Variants in NRP2 observed in about 807,000 individuals in gnomAD.
NRP2 encodes the protein neuropilin-2.
Under a neutral mutation model 110.4 loss-of-function variants are expected in NRP2, and 52 were observed. The observed-to-expected ratio is 0.47, with a 90% CI of 0.38 to 0.59. The LOEUF is 0.59. Among genes scored for constraint, NRP2 ranks in the 20% least tolerant of loss-of-function variants. The pLI is 0.00. For missense variants in NRP2, 1,049 were observed against 1,203.0 expected, an observed-to-expected ratio of 0.87 and a Z score of 1.89; for synonymous variants, 508 against 468.9, an observed-to-expected ratio of 1.08 and a Z score of -1.08.
chr2:205,708,492 T>G (rs2056732349), intron 2 of NRP2, among the ~76,000 whole-genome samples: 1 of 152,194 alleles, frequency 6.6e-6, no homozygotes, highest in African/African-American at 2.4e-5. Flanking sequence ...AAGTTCACCT[T>G]CAGAGAGACT....
intron 16 of NRP2, among the ~76,000 whole-genome samples, chr2:205,792,591 A>C (rs1167950921): frequency 2.0e-5 from 3 of 152,252 alleles, no homozygotes; most frequent in Non-Finnish European, 4.4e-5. Flanking sequence ...CAGCTCCTCC[A>C]TACGTGTCAT....
chr2:205,770,617 C>T (rs111879059), intron 15 of NRP2, among the ~76,000 whole-genome samples: 35 of 152,322 alleles, frequency 2.3e-4, no homozygotes, highest in Admixed American at 5.2e-4. Context: ...CTTCCTCCCA[C>T]GCCTCCTTCT....
At position 205,722,677 on chromosome 2, in the gene NRP2, T is replaced by C. The variant is rs773537951; in HGVS notation, c.633T>C (p.Asp211=). 2.5e-6 allele frequency: 4 copies of C among 1,614,040 alleles called. No individual in the cohort carries two copies. In the South Asian group the frequency reaches 3.3e-5, roughly 13 times the overall value. ...TGGGAGAGGGGGACTGCAAGTACGATTGGCTGGACATCTGGGATGGCATTC... is the reference window on the plus strand; with the variant it reads ...TGGGAGAGGGGGACTGCAAGTACGACTGGCTGGACATCTGGGATGGCATTC... ...LQVGEGDCKY[D]WLDIWDGIPH... The change falls in exon 4 of 17, where the codon GAT becomes GAC. Residue 211 remains aspartate (D), a synonymous_variant. Transcript: ENST00000357785.
chr2:205,746,891 G>A (rs773522049), intron 10 of NRP2, among the ~76,000 whole-genome samples: 1 of 152,190 alleles, frequency 6.6e-6, no homozygotes, highest in Admixed American at 6.5e-5. Context: ...CACGGGCTGG[G>A]AATTGGGCCC....
chr2:205,782,264 A>C (rs1435850832), intron 15 of NRP2, among the ~76,000 whole-genome samples: 1 of 152,090 alleles, frequency 6.6e-6, no homozygotes, highest in African/African-American at 2.4e-5. Context: ...TGGGCATTGG[A>C]CCAAGAAATA....
At chr2:205,752,555 A>G (rs139496788) in intron 11 of NRP2, 14 of 454,126 alleles carry the variant, frequency 3.1e-5, no homozygotes, top group African/African-American at 2.4e-4. Flanking sequence ...AGGTGGACAG[A>G]AGAGGCTGAT....
chr2:205,750,275 C>T (rs1446955067), intron 11 of NRP2, among the ~76,000 whole-genome samples: 4 of 152,164 alleles, frequency 2.6e-5, no homozygotes, highest in Admixed American at 2.0e-4. Context: ...GGTGATGGAG[C>T]GCGATAGTTG....
At chr2:205,739,391 C>G (rs2105862416) in intron 7 of NRP2, among the ~76,000 whole-genome samples, 1 of 152,286 alleles carries the variant, frequency 6.6e-6, no homozygotes, top group East Asian at 1.9e-4. Context: ...TTTGTTGCAT[C>G]TGGCTGAAAA....
chr2:205,792,719 C>G (rs2058315389), intron 16 of NRP2, among the ~76,000 whole-genome samples: 1 of 152,168 alleles, frequency 6.6e-6, no homozygotes, highest in Admixed American at 6.5e-5. Flanking sequence ...CTTCCTCACA[C>G]TATTCAAGAT....
In NRP2 at chr2:205,722,653, G is replaced by A. The variant is rs754854957; in HGVS notation, c.609G>A (p.Val203=). Residue 203 remains valine (V), a synonymous_variant, in exon 4 of 17, where the codon GTG becomes GTA. Coordinates refer to ENST00000357785, the MANE Select transcript of NRP2 (RefSeq NM_003872.3). ...IFDLEHDPLQ[V]GEGDCKYDWL... ...ACCTGGAGCATGACCCTTTGCAGGTGGGAGAGGGGGACTGCAAGTACGATT... is the reference window on the plus strand; with the variant it reads ...ACCTGGAGCATGACCCTTTGCAGGTAGGAGAGGGGGACTGCAAGTACGATT... The A allele has an allele frequency of 6.2e-7, 1 of 1,614,212 alleles. No individual in the cohort carries two copies. The highest frequency in any genetic ancestry group is 1.1e-5 in the South Asian group (1 of 91,084).
At chr2:205,718,010 C>T (rs981022268) in intron 3 of NRP2, among the ~76,000 whole-genome samples, 3 of 152,152 alleles carry the variant, frequency 2.0e-5, no homozygotes, top group Admixed American at 2.0e-4. Context: ...AATGGGGGAG[C>T]AGTCAAGTGG....
intron 7 of NRP2, among the ~76,000 whole-genome samples, chr2:205,738,090 G>A (rs1352121200): frequency 6.6e-6 from 1 of 152,216 alleles, no homozygotes; most frequent in Non-Finnish European, 1.5e-5. Flanking sequence ...GATAAAATTG[G>A]ATATTAACAA....
At chr2:205,766,824 A>G (rs1206394180) in intron 15 of NRP2, 21 bp downstream of exon 15, 1 of 1,610,370 alleles carries the variant, frequency 6.2e-7, no homozygotes, top group Non-Finnish European at 8.5e-7. Flanking sequence ...TAAAGGTAAA[A>G]AAAAATTTTT....
intron 16 of NRP2, among the ~76,000 whole-genome samples, chr2:205,793,424 G>A (rs1037985548): frequency 2.6e-5 from 4 of 152,190 alleles, no homozygotes; most frequent in Non-Finnish European, 5.9e-5. Context: ...ATGCCCAGAT[G>A]TGGGCATGCC....
chr2:205,710,109 CA>C, intron 2 of NRP2, among the ~76,000 whole-genome samples: 1 of 152,264 alleles, frequency 6.6e-6, no homozygotes, highest in Non-Finnish European at 1.5e-5. Context: ...ATCTTACACC[CA>C]TTTTGTGGAA....
At chr2:205,765,365 C>CAT in intron 13 of NRP2, 109 bp from the exon 14 acceptor site, 4 of 867,370 alleles carry the variant, frequency 4.6e-6, no homozygotes, top group East Asian at 2.4e-5. Flanking sequence ...CACACACACA[C>CAT]ACATACACAC....
At chr2:205,752,746 C>A in intron 11 of NRP2, 89 bp from the exon 12 acceptor site, 3 of 1,400,244 alleles carry the variant, frequency 2.1e-6, no homozygotes, top group Non-Finnish European at 3.0e-6. Flanking sequence ...TCCACTCAGG[C>A]CTTGCCAGCC....
chr2:205,688,818 G>T (rs1468042804), intron 1 of NRP2, among the ~76,000 whole-genome samples: 3 of 151,688 alleles, frequency 2.0e-5, no homozygotes, highest in African/African-American at 7.3e-5. Context: ...GAGAAGAAAG[G>T]AGAGAAATAG....
chr2:205,786,603 AATG>A (rs2058238692), intron 15 of NRP2, among the ~76,000 whole-genome samples: 1 of 152,168 alleles, frequency 6.6e-6, no homozygotes, highest in South Asian at 2.1e-4. Context: ...TGTGAAAATG[AATG>A]ATTTCAGTGG....
Sources: allele counts gnomAD v4.1 joint callset (sites outside exome capture counted in the v4.1 genomes callset), GRCh38; gene constraint gnomAD v4.1.1; transcripts MANE v1.5; gene names NCBI Gene and HGNC (gene_info 2026-07-23, HGNC 2026-07-21).